The following KIRREL3 variants were observed in gnomAD, a reference collection of about 807,000 sequenced individuals.
KIRREL3 encodes kin of IRRE-like protein 3.
Under a neutral mutation model 89.7 loss-of-function variants are expected in KIRREL3, and 36 were observed. The observed-to-expected ratio is 0.40, with a 90% CI of 0.31 to 0.53. KIRREL3 has a LOEUF of 0.53. Ranked by LOEUF, KIRREL3 falls within the 20% of genes least tolerant of loss-of-function variation. KIRREL3 has a pLI of 0.49. For missense variants in KIRREL3, 864 were observed against 1,056.6 expected (o/e 0.82, Z 2.53); for synonymous variants, 445 against 441.4 (o/e 1.01, Z -0.10).
chr11:126,664,379 CAG>C lies in KIRREL3; in HGVS notation c.56-101469_56-101468del, dbSNP rs1189221593. On this transcript the variant is annotated intron_variant, in intron 1 of 16. Transcript: ENST00000525144. The surrounding 1 kb of genome is among the most constrained non-coding windows in gnomAD (Gnocchi z 5.4). ...GAGTAAGAGAGCAGGCACGCAGAGG[CAG>C]AGAGTGAAGTCTAGTGAGACCACAC... Among the ~76,000 whole-genome samples, 4 of 152,084 alleles carry C rather than the reference CAG, an allele frequency of 2.6e-5. No individual in the cohort carries two copies. Among genetic ancestry groups the C allele is most frequent in the Non-Finnish European group, 4.4e-5 (3 of 68,020 alleles).
At position 126,862,343 on chromosome 11, in the gene KIRREL3, T is replaced by C. The variant is rs528834122; in HGVS notation, c.55+138112A>G. 4.7e-4 allele frequency among the ~76,000 whole-genome samples: 71 copies of C among 152,232 alleles called. 1 individual carries two copies. The highest frequency in any genetic ancestry group is 3.8e-3 in the Admixed American group (58 of 15,298). ...TTCCCACGTCATTTGCAGAGTGAAG[T>C]GAATATCAATAAAATTGTAACGAGT... On this transcript the variant is annotated intron_variant, in intron 1 of 16. Coordinates refer to ENST00000525144, the MANE Select transcript of KIRREL3 (RefSeq NM_032531.4).
intron 4 of KIRREL3, among the ~76,000 whole-genome samples, chr11:126,493,250 G>A (rs1277751907): frequency 6.6e-6 from 1 of 152,114 alleles, no homozygotes; most frequent in Non-Finnish European, 1.5e-5. Context: ...GGCTGGGCGC[G>A]GTGGCTCATG....
intron 7 of KIRREL3, among the ~76,000 whole-genome samples, chr11:126,450,879 A>ACGTG (rs1565462926): frequency 1.6e-5 from 2 of 124,088 alleles, no homozygotes; most frequent in Non-Finnish European, 3.4e-5. Context: ...GCATGTGTGC[A>ACGTG]TGTGTGCATG....
At chr11:126,440,165 C>T (rs1955505422) in intron 11 of KIRREL3, 1 of 651,154 alleles carries the variant, frequency 1.5e-6, no homozygotes, top group Admixed American at 2.1e-5. Context: ...CCACTACCCT[C>T]GTGTGCCCCT....
At position 126,558,655 on chromosome 11, in the gene KIRREL3, G is replaced by A. The variant is rs1215561775; in HGVS notation, c.133+4180C>T. ...GAGGAGGCCTGAGCTCTCTGAGGCA[G>A]GCACAGCCCCTCCCCTGATACATGT... On this transcript the variant is annotated intron_variant, in intron 2 of 16. Transcript: ENST00000525144. This position sits in a 1 kb window ranked among gnomAD's most constrained non-coding sequence, Gnocchi z 4.0. Among the ~76,000 whole-genome samples, 1 of 152,202 alleles carries A rather than the reference G, an allele frequency of 6.6e-6. No individual in the cohort carries two copies. The highest frequency in any genetic ancestry group is 1.5e-5 in the Non-Finnish European group (1 of 68,032).
chr11:126,759,389 A>G (rs1949602762), intron 1 of KIRREL3, among the ~76,000 whole-genome samples: 1 of 152,196 alleles, frequency 6.6e-6, no homozygotes, highest in African/African-American at 2.4e-5. Context: ...TAGCCTCCCA[A>G]AGTGCTGGGA....
At chr11:126,866,759 C>T (rs1247467373) in intron 1 of KIRREL3, among the ~76,000 whole-genome samples, 3 of 152,062 alleles carry the variant, frequency 2.0e-5, no homozygotes, top group African/African-American at 4.8e-5. Context: ...AACGGCAGGA[C>T]GAGAATGACG....
At chr11:126,717,538 G>A (rs1180519747) in intron 1 of KIRREL3, among the ~76,000 whole-genome samples, 1 of 152,162 alleles carries the variant, frequency 6.6e-6, no homozygotes, top group African/African-American at 2.4e-5. Context: ...GCAGGTTGGC[G>A]TGGCCAGGCT....
chr11:126,510,017 A>T (rs1958159893), intron 4 of KIRREL3, among the ~76,000 whole-genome samples: 1 of 147,058 alleles, frequency 6.8e-6, no homozygotes, highest in Non-Finnish European at 1.5e-5. Flanking sequence ...AAAAAAAAAA[A>T]AGAAAAAAGA....
At chr11:126,982,195 C>A (rs920522230) in intron 1 of KIRREL3, among the ~76,000 whole-genome samples, 1 of 152,156 alleles carries the variant, frequency 6.6e-6, no homozygotes, top group Non-Finnish European at 1.5e-5. Context: ...CATTATCAAC[C>A]TATTATCAAC....
chr11:126,583,087 G>A (rs1202638691), intron 1 of KIRREL3, among the ~76,000 whole-genome samples: 2 of 152,172 alleles, frequency 1.3e-5, no homozygotes, highest in Non-Finnish European at 2.9e-5. Flanking sequence ...GGAAACATGT[G>A]GTTCCGGATG....
rs1305177469 is a variant in KIRREL3 at position 126,723,348 on chromosome 11, G to A, written c.56-160436C>T. On this transcript the variant is annotated intron_variant, in intron 1 of 16. Transcript: ENST00000525144. This position sits in a 1 kb window ranked among gnomAD's most constrained non-coding sequence, Gnocchi z 4.0. ...CTGAGCCAGAGAACACAGCATTAGT[G>A]GGAGCTGTGGAGAGGAGGCTAGAAA... 6.6e-6 allele frequency among the ~76,000 whole-genome samples: 1 copy of A among 152,164 alleles called. No homozygotes were observed. Among genetic ancestry groups the A allele is most frequent in the Non-Finnish European group, 1.5e-5 (1 of 68,038 alleles).
chr11:126,831,228 A>C (rs549682655), intron 1 of KIRREL3, among the ~76,000 whole-genome samples: 1 of 152,294 alleles, frequency 6.6e-6, no homozygotes, highest in South Asian at 2.1e-4. Context: ...TGAGGTCACT[A>C]TTATCCCACC....
chr11:126,435,169 C>T, intron 13 of KIRREL3, 99 bp downstream of exon 13: 1 of 1,274,830 alleles, frequency 7.8e-7, no homozygotes, highest in Non-Finnish European at 1.1e-6. Context: ...CACTAGCGGC[C>T]AGCACAGGCC....
intron 1 of KIRREL3, among the ~76,000 whole-genome samples, chr11:126,799,996 A>T (rs1024887610): frequency 2.0e-5 from 3 of 152,154 alleles, no homozygotes; most frequent in Non-Finnish European, 4.4e-5. Context: ...AGTTCAATCA[A>T]TCAGGATCTC....
rs1395316806 is a variant in KIRREL3, at chr11:126,594,686, C to T, written c.56-31774G>A. ...TATCTCTAAGGCCAGCTCTTAAATT[C>T]TCTAACCCATGCTCCTGGCCAACTC... is the stretch of plus-strand genomic sequence containing the variant. On this transcript the variant is annotated intron_variant, in intron 1 of 16. Transcript: ENST00000525144. This position sits in a 1 kb window ranked among gnomAD's most constrained non-coding sequence, Gnocchi z 5.0. 6.6e-6 allele frequency among the ~76,000 whole-genome samples: 1 copy of T among 151,704 alleles called. No individual in the cohort carries two copies. Among genetic ancestry groups the T allele is most frequent in the African/African-American group, 2.4e-5 (1 of 40,982 alleles).
At chr11:126,434,724 C>T (rs539594828) in intron 13 of KIRREL3, among the ~76,000 whole-genome samples, 11 of 152,162 alleles carry the variant, frequency 7.2e-5, no homozygotes, top group African/African-American at 1.4e-4. Flanking sequence ...GGGAGGGAGG[C>T]GCTGCCCTGC....
In KIRREL3 at chr11:126,861,525, A is replaced by G. The variant is rs185031301; in HGVS notation, c.55+138930T>C. ...TAGCCAGTTGGCCAGGAGGTTTGGG[A>G]GGTGGAGTTCACAGGGAATAGTGGG... is the stretch of plus-strand genomic sequence containing the variant. On this transcript the variant is annotated intron_variant, in intron 1 of 16. Coordinates refer to ENST00000525144, the MANE Select transcript of KIRREL3 (RefSeq NM_032531.4). Among the ~76,000 whole-genome samples the G allele has an allele frequency of 6.7e-3, 1,014 of 152,274 alleles. 14 individuals carry two copies. Among genetic ancestry groups the G allele is most frequent in the African/African-American group, 0.023 (945 of 41,544 alleles).
At chr11:126,887,339 C>A (rs574798360) in intron 1 of KIRREL3, among the ~76,000 whole-genome samples, 1 of 152,048 alleles carries the variant, frequency 6.6e-6, no homozygotes, top group African/African-American at 2.4e-5. Flanking sequence ...GTCAGTGGAA[C>A]GGAGGGGAGA....
Sources: gnomAD v4.1 joint callset for allele counts (sites outside exome capture counted in the v4.1 genomes callset) on GRCh38, gnomAD v4.1.1 for gene constraint, Gnocchi (gnomAD v3.1) non-coding constraint, MANE v1.5 for transcripts, NCBI Gene and HGNC (gene_info 2026-07-23, HGNC 2026-07-21) for gene names.